The following ZNF462 variants were observed in gnomAD, a reference collection of about 807,000 sequenced individuals.
ZNF462 encodes the protein zinc finger protein 462.
In ZNF462, 10 loss-of-function variants were observed where a neutral mutation model predicts 201.9. The observed-to-expected ratio is 0.05, with a 90% CI of 0.03 to 0.08. The LOEUF is 0.08. Ranked by LOEUF, ZNF462 falls within the 10% of genes least tolerant of loss-of-function variation. The pLI, the probability that ZNF462 is intolerant of heterozygous loss-of-function variation, is 1.00. For synonymous variants in ZNF462, 1,227 were observed against 1,193.3 expected, an observed-to-expected ratio of 1.03 and a Z score of -0.58; for missense variants, 2,523 against 3,168.3, an observed-to-expected ratio of 0.80 and a Z score of 4.89.
At chr9:106,893,141 A>T (rs1457515720) in intron 1 of ZNF462, among the ~76,000 whole-genome samples, 1 of 152,240 alleles carries the variant, frequency 6.6e-6, no homozygotes, top group Non-Finnish European at 1.5e-5. Flanking sequence ...CATTATATAA[A>T]TGTGTTCTTC....
chr9:106,935,198 T>C lies in ZNF462; in HGVS notation c.6117-305T>C, dbSNP rs974649531. Among the ~76,000 whole-genome samples the C allele has an allele frequency of 1.3e-5, 2 of 152,180 alleles. No homozygotes were observed. Among genetic ancestry groups the C allele is most frequent in the Admixed American group, 6.5e-5 (1 of 15,276 alleles). ...ACCCATATTGTACCTTCTCTTTAGA[T>C]ACACTCTTCCAATGATCAGAGCTCT... On this transcript the variant is annotated intron_variant, in intron 5 of 12. Coordinates refer to ENST00000277225, the MANE Select transcript of ZNF462 (RefSeq NM_021224.6). The surrounding 1 kb of genome is among the most constrained non-coding windows in gnomAD (Gnocchi z 4.1).
At chr9:106,891,766 G>C (rs1828588657) in intron 1 of ZNF462, among the ~76,000 whole-genome samples, 1 of 152,008 alleles carries the variant, frequency 6.6e-6, no homozygotes, top group Admixed American at 6.5e-5. Flanking sequence ...TGTTTTCCTG[G>C]CTTTTTGTTC....
Position 106,925,204 on chromosome 9 carries a change from C to T in ZNF462, c.1292C>T (p.Pro431Leu). 1.2e-6 allele frequency: 2 copies of T among 1,614,166 alleles called. No individual in the cohort carries two copies. The highest frequency in any genetic ancestry group is 1.7e-6 in the Non-Finnish European group (2 of 1,180,042). ...GNKLLETKGI[P>L]FRRFMNRFQC... ...AAATTATTGGAGACCAAGGGGATTC[C>T]ATTTAGAAGATTCATGAATAGGTTC... The change falls in exon 3 of 13, where the codon CCA becomes CTA. Residue 431 changes from proline to leucine, a missense_variant. Around this residue, in one of 15 missense-constraint regions of ZNF462, gnomAD observed 480 missense variants for 544.4 expected, o/e 0.88. Coordinates refer to ENST00000277225, the MANE Select transcript of ZNF462 (RefSeq NM_021224.6). The surrounding 1 kb of genome is among the most constrained non-coding windows in gnomAD (Gnocchi z 7.9).
rs746561858 is a variant in ZNF462, at chr9:106,928,861, C to T, written c.4949C>T (p.Ser1650Phe). 2 of 1,613,960 alleles carry T rather than the reference C, an allele frequency of 1.2e-6. No homozygotes were observed. Among genetic ancestry groups the T allele is most frequent in the Non-Finnish European group, 1.7e-6 (2 of 1,180,034 alleles). Residue 1650 changes from serine to phenylalanine, a missense_variant, in exon 3 of 13, where the codon TCT (serine) becomes TTT (phenylalanine). Physicochemically the swap from Ser to Phe is radical, Grantham distance 155. Around this residue, in one of 15 missense-constraint regions of ZNF462, gnomAD observed 200 missense variants for 281.3 expected, o/e 0.71. Transcript: ENST00000277225. This position sits in a 1 kb window ranked among gnomAD's most constrained non-coding sequence, Gnocchi z 9.3. ...GAGCCCGTGTCCACTTCTCACTTCT[C>T]TACCTCCCACCTGGTCTCCCACACT... is the stretch of plus-strand genomic sequence containing the variant. ...GEEPVSTSHFSTSHLVSHTVF... is the reference protein window; with the variant it reads ...GEEPVSTSHFFTSHLVSHTVF...
intron 1 of ZNF462, among the ~76,000 whole-genome samples, chr9:106,873,119 T>A (rs1203436196): frequency 6.6e-6 from 1 of 152,204 alleles, no homozygotes; most frequent in Non-Finnish European, 1.5e-5. Context: ...CTTGATGGTT[T>A]ATCTCTTCCA....
At position 106,890,115 on chromosome 9, in the gene ZNF462, G is replaced by A. The variant is rs1020875625; in HGVS notation, c.-31+26760G>A. Among the ~76,000 whole-genome samples, 3 of 152,172 alleles carry A rather than the reference G, an allele frequency of 2.0e-5. No homozygotes were observed. The highest frequency in any genetic ancestry group is 7.2e-5 in the African/African-American group (3 of 41,446). On this transcript the variant is annotated intron_variant, in intron 1 of 12. Coordinates refer to ENST00000277225, the MANE Select transcript of ZNF462 (RefSeq NM_021224.6). The surrounding 1 kb of genome is among the most constrained non-coding windows in gnomAD (Gnocchi z 4.2). ...ACATACCCACAGGATTCTTAGACTA[G>A]GCATACATCATTGTATATATTCTGC...
intron 1 of ZNF462, among the ~76,000 whole-genome samples, chr9:106,863,594 GA>G (rs1030674144): frequency 6.6e-6 from 1 of 151,244 alleles, no homozygotes; most frequent in African/African-American, 2.4e-5. Flanking sequence ...GAGGAGAAGC[GA>G]GGGAGGAAGA....
At chr9:106,879,176 G>A (rs1055616565) in intron 1 of ZNF462, among the ~76,000 whole-genome samples, 2 of 152,146 alleles carry the variant, frequency 1.3e-5, no homozygotes, top group African/African-American at 4.8e-5. Flanking sequence ...TGTTACCACC[G>A]CTGTGACGCA....
At chr9:106,879,862 C>CA (rs1828015792) in intron 1 of ZNF462, among the ~76,000 whole-genome samples, 1 of 152,090 alleles carries the variant, frequency 6.6e-6, no homozygotes, top group Non-Finnish European at 1.5e-5. Context: ...TACATCATAC[C>CA]ACTAGGCTGA....
rs952853562 is a variant in ZNF462, at chr9:106,963,840, C to T, written c.6428-8165C>T. Among the ~76,000 whole-genome samples the T allele has an allele frequency of 6.6e-6, 1 of 152,030 alleles. No homozygotes were observed. The highest frequency in any genetic ancestry group is 1.9e-4 in the East Asian group (1 of 5,176). On this transcript the variant is annotated intron_variant, in intron 7 of 12. Transcript: ENST00000277225. This position sits in a 1 kb window ranked among gnomAD's most constrained non-coding sequence, Gnocchi z 4.7. ...TCTATATCCATAGAACAACAACTCT[C>T]CACTTCCTTCTACCCACAGCCCCTG...
chr9:106,983,875 T>G (rs974860404), intron 9 of ZNF462, among the ~76,000 whole-genome samples: 1 of 152,182 alleles, frequency 6.6e-6, no homozygotes, highest in Admixed American at 6.5e-5. Context: ...CTACTTCTAT[T>G]CCTCCCCCTT....
intron 1 of ZNF462, among the ~76,000 whole-genome samples, chr9:106,907,631 G>T (rs867923391): frequency 2.6e-5 from 4 of 151,784 alleles, no homozygotes; most frequent in African/African-American, 9.6e-5. Context: ...AATTAGGCTA[G>T]CTAATTGTTT....
At position 106,962,860 on chromosome 9, in the gene ZNF462, A is replaced by G. The variant is rs546563062; in HGVS notation, c.6428-9145A>G. On this transcript the variant is annotated intron_variant, in intron 7 of 12. Coordinates refer to ENST00000277225, the MANE Select transcript of ZNF462 (RefSeq NM_021224.6). This position sits in a 1 kb window ranked among gnomAD's most constrained non-coding sequence, Gnocchi z 4.6. Reference sequence around the variant, plus strand: ...ATTGTCCCCCTGGCCATTGTATCATAATCTTGTGCGTCCAGGCCAGAGAGC... The same window carrying G: ...ATTGTCCCCCTGGCCATTGTATCATGATCTTGTGCGTCCAGGCCAGAGAGC... 1.3e-5 allele frequency among the ~76,000 whole-genome samples: 2 copies of G among 152,072 alleles called. No individual in the cohort carries two copies. Among genetic ancestry groups the G allele is most frequent in the African/African-American group, 4.8e-5 (2 of 41,520 alleles).
Position 106,885,492 on chromosome 9 carries a change from G to A in ZNF462, c.-31+22137G>A, listed in dbSNP as rs1371991824. Among the ~76,000 whole-genome samples the A allele has an allele frequency of 6.6e-6, 1 of 152,176 alleles. No homozygotes were observed. Among genetic ancestry groups the A allele is most frequent in the Non-Finnish European group, 1.5e-5 (1 of 68,022 alleles). ...CCATGCTTAGAAGGTTCAAGAAAGG[G>A]AGTATAGTCTCTTTAAAGTTATTTT... On this transcript the variant is annotated intron_variant, in intron 1 of 12. Coordinates refer to ENST00000277225, the MANE Select transcript of ZNF462 (RefSeq NM_021224.6). This position sits in a 1 kb window ranked among gnomAD's most constrained non-coding sequence, Gnocchi z 4.1.
intron 1 of ZNF462, among the ~76,000 whole-genome samples, chr9:106,914,799 G>GGT: frequency 6.6e-6 from 1 of 152,262 alleles, no homozygotes; most frequent in East Asian, 1.9e-4. Flanking sequence ...GTGGGTTGGT[G>GGT]GTGTGAGTAG....
At chr9:106,889,618 T>G (rs1293404072) in intron 1 of ZNF462, among the ~76,000 whole-genome samples, 2 of 152,218 alleles carry the variant, frequency 1.3e-5, no homozygotes, top group Non-Finnish European at 1.5e-5. Flanking sequence ...GGCTTACTTG[T>G]TTTTTACTCT....
At chr9:106,878,500 A>G (rs549532506) in intron 1 of ZNF462, among the ~76,000 whole-genome samples, 36 of 152,382 alleles carry the variant, frequency 2.4e-4, no homozygotes, top group African/African-American at 7.7e-4. Flanking sequence ...ACGTCTATTC[A>G]TTCATTGAAC....
At chr9:106,862,309 G>A (rs1327797034), upstream of ZNF462, among the ~76,000 whole-genome samples, 1 of 152,174 alleles carries the variant, frequency 6.6e-6, no homozygotes, top group Non-Finnish European at 1.5e-5. The surrounding 1 kb of genome is among the most constrained non-coding windows in gnomAD (Gnocchi z 4.2). Context: ...ATGGATGCAA[G>A]TAAGGGACCC....
In ZNF462 at chr9:106,863,272, A is replaced by G; in HGVS notation, c.-114A>G. ...CAACTTCCACAACAATAACCCGAGC[A>G]GGAAGAGGAGAAAGAGAAAGAGGAT... On this transcript the variant is annotated 5_prime_UTR_variant, in exon 1 of 13. Transcript: ENST00000277225. 2.5e-6 allele frequency: 1 copy of G among 399,140 alleles called. No homozygotes were observed. The allele number at this position is 399,140 out of a possible 1,614,324, so 24.7% of individuals were successfully genotyped here.
Sources: gnomAD v4.1 joint callset for allele counts (sites outside exome capture counted in the v4.1 genomes callset) on GRCh38, gnomAD v4.1.1 for gene constraint, gnomAD v4.1.1 regional missense constraint, Gnocchi (gnomAD v3.1) non-coding constraint, MANE v1.5 for transcripts, NCBI Gene and HGNC (gene_info 2026-07-23, HGNC 2026-07-21) for gene names.